KCTD4: variants seen among roughly 807,000 people sequenced by gnomAD.
The protein encoded by KCTD4 is BTB/POZ domain-containing protein KCTD4.
In KCTD4, 12 loss-of-function variants were observed where a neutral mutation model predicts 18.3. The observed-to-expected ratio is 0.66, with a 90% CI of 0.42 to 1.06. The LOEUF is 1.06. Ranked by LOEUF, KCTD4 falls within the 50% of genes least tolerant of loss-of-function variation. The pLI is 0.00. For missense variants in KCTD4, 250 were observed against 303.4 expected (o/e 0.82, Z 1.31); for synonymous variants, 124 against 110.5 (o/e 1.12, Z -0.76).
chr13:45,198,348 C>T (rs1193252640), intron 1 of KCTD4, among the ~76,000 whole-genome samples: 1 of 152,204 alleles, frequency 6.6e-6, no homozygotes, highest in Non-Finnish European at 1.5e-5. Context: ...GAGATACTCC[C>T]ATGCCATGGA....
rs1461686225 is a variant in KCTD4, at chr13:45,194,499, A to G, written c.69T>C (p.Asp23=). 6.2e-7 allele frequency: 1 copy of G among 1,614,016 alleles called. No homozygotes were observed. Among genetic ancestry groups the G allele is most frequent in the African/African-American group, 1.3e-5 (1 of 74,926 alleles). The part of the protein sequence containing the change: ...EYEGKHNSLE[D]TDQGKNCKST... ...ATTTGCAGTTCTTTCCTTGATCAGT[A>G]TCTTCCAGGCTGTTGTGTTTCCCTT... The change falls in exon 2 of 2, where the codon GAT becomes GAC. Residue 23 remains aspartate, a synonymous_variant. Coordinates refer to ENST00000379108, the MANE Select transcript of KCTD4 (RefSeq NM_198404.3).
Position 45,193,744 on chromosome 13 carries a change from C to G in KCTD4, c.*44G>C. Reference sequence around the variant, plus strand: ...TCTTTGATGCTGTGGTTTTCCGAAGCTTGCTGGCTGCATGCTTGTTGCCTT... The same window carrying G: ...TCTTTGATGCTGTGGTTTTCCGAAGGTTGCTGGCTGCATGCTTGTTGCCTT... On this transcript the variant is annotated 3_prime_UTR_variant, in exon 2 of 2. Transcript: ENST00000379108. 6.5e-7 allele frequency: 1 copy of G among 1,531,240 alleles called. No individual in the cohort carries two copies. Among genetic ancestry groups the G allele is most frequent in the South Asian group, 1.3e-5 (1 of 76,688 alleles). The allele number at this position is 1,531,240 out of a possible 1,614,324, so 94.9% of individuals were successfully genotyped here.
At chr13:45,197,807 GGAGA>G (rs539531459) in intron 1 of KCTD4, among the ~76,000 whole-genome samples, 1 of 152,142 alleles carries the variant, frequency 6.6e-6, no homozygotes, top group African/African-American at 2.4e-5. Flanking sequence ...CTATACCAAG[GGAGA>G]CATCCCTGGA....
In KCTD4 at chr13:45,194,091, A is replaced by G; in HGVS notation, c.477T>C (p.Cys159=). 6.2e-7 allele frequency: 1 copy of G among 1,614,130 alleles called. No homozygotes were observed. Among genetic ancestry groups the G allele is most frequent in the Non-Finnish European group, 8.5e-7 (1 of 1,179,994 alleles). Residue 159 remains cysteine (C), a synonymous_variant, in exon 2 of 2, where the codon TGT becomes TGC. Transcript: ENST00000379108. Reference sequence around the variant, plus strand: ...TTTTTGATATGAAATCAGGAGCATTACAGAAGATTCTTAATCCTTGTGAAC... The same window carrying G: ...TTTTTGATATGAAATCAGGAGCATTGCAGAAGATTCTTAATCCTTGTGAAC... The part of the protein sequence containing the change: ...HDRSQGLRIF[C]NAPDFISKIK...
At position 45,193,427 on chromosome 13, in the gene KCTD4, A is replaced by G. The variant is rs1220686149; in HGVS notation, c.*361T>C. On this transcript the variant is annotated 3_prime_UTR_variant, in exon 2 of 2. Transcript: ENST00000379108. ...TAGCCCCTTAAAATATTTTATTACCATTTACTTAAATGAACGATAGATAAT... is the reference window on the plus strand; with the variant it reads ...TAGCCCCTTAAAATATTTTATTACCGTTTACTTAAATGAACGATAGATAAT... 5.8e-6 allele frequency: 1 copy of G among 172,280 alleles called. No homozygotes were observed. Among genetic ancestry groups the G allele is most frequent in the Non-Finnish European group, 1.2e-5 (1 of 81,530 alleles). The allele number at this position is 172,280 out of a possible 1,614,324, so 10.7% of individuals were successfully genotyped here.
intron 1 of KCTD4, 34 bp from the exon 2 acceptor site, chr13:45,194,788 A>G: frequency 1.8e-6 from 1 of 555,470 alleles, no homozygotes; most frequent in Admixed American, 3.3e-5. Flanking sequence ...TTTGCATTTA[A>G]CTGTATCAGG....
chr13:45,194,404 G>A lies in KCTD4; in HGVS notation c.164C>T (p.Pro55Leu), dbSNP rs1395127903. 1 of 1,614,014 alleles carries A rather than the reference G, an allele frequency of 6.2e-7. No homozygotes were observed. The highest frequency in any genetic ancestry group is 1.7e-5 in the Admixed American group (1 of 59,992). ...ITQKQTLTKYPDTFLEGIVNG... is the reference protein window; with the variant it reads ...ITQKQTLTKYLDTFLEGIVNG... ...TACTATACCTTCAAGGAAAGTGTCT[G>A]GGTACTTGGTCAGTGTTTGTTTTTG... The change falls in exon 2 of 2, where the codon CCA becomes CTA. Residue 55 changes from proline (P) to leucine (L), a missense_variant. Transcript: ENST00000379108.
intron 1 of KCTD4, among the ~76,000 whole-genome samples, chr13:45,197,929 A>G (rs1019513390): frequency 1.3e-5 from 2 of 152,236 alleles, no homozygotes; most frequent in Non-Finnish European, 2.9e-5. Context: ...GCTTACCTGG[A>G]TCCACTTGGC....
chr13:45,193,751 G>T lies in KCTD4; in HGVS notation c.*37C>A. 6.5e-7 allele frequency: 1 copy of T among 1,532,572 alleles called. No homozygotes were observed. Among genetic ancestry groups the T allele is most frequent in the South Asian group, 1.3e-5 (1 of 77,162 alleles). The allele number at this position is 1,532,572 out of a possible 1,614,324, so 94.9% of individuals were successfully genotyped here. On this transcript the variant is annotated 3_prime_UTR_variant, in exon 2 of 2. Coordinates refer to ENST00000379108, the MANE Select transcript of KCTD4 (RefSeq NM_198404.3). ...TGCTGTGGTTTTCCGAAGCTTGCTG[G>T]CTGCATGCTTGTTGCCTTTGTTCGT...
chr13:45,193,617 A>G lies in KCTD4; in HGVS notation c.*171T>C. Reference sequence around the variant, plus strand: ...TGATCAGTAGGAACACCCCAGAGGAAGGACATCTTTAGCGATAGAATTTAC... The same window carrying G: ...TGATCAGTAGGAACACCCCAGAGGAGGGACATCTTTAGCGATAGAATTTAC... On this transcript the variant is annotated 3_prime_UTR_variant, in exon 2 of 2. Coordinates refer to ENST00000379108, the MANE Select transcript of KCTD4 (RefSeq NM_198404.3). The G allele has an allele frequency of 1.7e-6, 1 of 597,108 alleles. No homozygotes were observed. The highest frequency in any genetic ancestry group is 4.5e-4 in the Middle Eastern group (1 of 2,238). The allele number at this position is 597,108 out of a possible 1,614,324, so 37.0% of individuals were successfully genotyped here.
chr13:45,198,501 T>C (rs1040816733), intron 1 of KCTD4, among the ~76,000 whole-genome samples: 3 of 152,222 alleles, frequency 2.0e-5, no homozygotes, highest in Non-Finnish European at 4.4e-5. Context: ...AAGCTGCGTT[T>C]GATAAGAACA....
intron 1 of KCTD4, among the ~76,000 whole-genome samples, chr13:45,199,241 C>T (rs1443906344): frequency 6.6e-6 from 1 of 152,188 alleles, no homozygotes; most frequent in Non-Finnish European, 1.5e-5. Flanking sequence ...GGAAAATTGC[C>T]TACATTGGTA....
intron 1 of KCTD4, among the ~76,000 whole-genome samples, chr13:45,198,998 A>T: frequency 6.6e-6 from 1 of 152,244 alleles, no homozygotes; most frequent in East Asian, 1.9e-4. Flanking sequence ...TATAAAATTT[A>T]TCTGCTCTAA....
Position 45,193,868 on chromosome 13 carries a change from A to G in KCTD4, c.700T>C (p.Cys234Arg). 6.2e-7 allele frequency: 1 copy of G among 1,614,172 alleles called. No individual in the cohort carries two copies. The highest frequency in any genetic ancestry group is 8.5e-7 in the Non-Finnish European group (1 of 1,180,010). ...KFEAIMMALK[C>R]GFRLLTSLDC... Reference sequence around the variant, plus strand: ...AGGCTGGTCAGCAGTCTAAAGCCACACTTTAAAGCCATCATGATAGCCTCA... The same window carrying G: ...AGGCTGGTCAGCAGTCTAAAGCCACGCTTTAAAGCCATCATGATAGCCTCA... Residue 234 changes from cysteine to arginine, a missense_variant, in exon 2 of 2, where the codon TGT (cysteine) becomes CGT (arginine). By Grantham distance (180) the Cys-to-Arg change is radical. Transcript: ENST00000379108.
At chr13:45,197,989 A>T (rs9534062) in intron 1 of KCTD4, among the ~76,000 whole-genome samples, 31,466 of 152,262 alleles carry the variant, frequency 0.21, 3,494 homozygotes, top group African/African-American at 0.23. Flanking sequence ...ACATATAAAA[A>T]TTTGAAAGAT....
chr13:45,194,878 T>A (rs529670354), intron 1 of KCTD4, among the ~76,000 whole-genome samples, 124 bp from the exon 2 acceptor site: 2 of 152,220 alleles, frequency 1.3e-5, no homozygotes, highest in Non-Finnish European at 2.9e-5. Flanking sequence ...GAATTTCCTC[T>A]TGTCAGTTAA....
intron 1 of KCTD4, among the ~76,000 whole-genome samples, chr13:45,199,529 G>T (rs1444615999): frequency 2.0e-5 from 3 of 151,488 alleles, no homozygotes; most frequent in African/African-American, 4.8e-5. Context: ...GTTTTTTTTT[G>T]AAATATAACC....
chr13:45,196,599 G>A (rs973698936), intron 1 of KCTD4, among the ~76,000 whole-genome samples: 1 of 152,152 alleles, frequency 6.6e-6, no homozygotes, highest in Admixed American at 6.5e-5. Flanking sequence ...TTCATTTATA[G>A]GTATAGTCCT....
chr13:45,193,652 G>A lies in KCTD4; in HGVS notation c.*136C>T. 1.3e-6 allele frequency: 1 copy of A among 743,390 alleles called. No homozygotes were observed. Among genetic ancestry groups the A allele is most frequent in the South Asian group, 2.0e-5 (1 of 49,112 alleles). The allele number at this position is 743,390 out of a possible 1,614,324, so 46.0% of individuals were successfully genotyped here. On this transcript the variant is annotated 3_prime_UTR_variant, in exon 2 of 2. Coordinates refer to ENST00000379108, the MANE Select transcript of KCTD4 (RefSeq NM_198404.3). ...TAGCGATAGAATTTACATACCGTTA[G>A]CTCACAGTAATTGATTAGTAGCAGG...
Sources: gnomAD v4.1 joint callset for allele counts (sites outside exome capture counted in the v4.1 genomes callset) on GRCh38, gnomAD v4.1.1 for gene constraint, MANE v1.5 for transcripts, NCBI Gene and HGNC (gene_info 2026-07-23, HGNC 2026-07-21) for gene names.